DLGAP2: variants seen among roughly 807,000 people sequenced by gnomAD.
DLGAP2 encodes disks large-associated protein 2.
Under a neutral mutation model 100.3 loss-of-function variants are expected in DLGAP2, and 26 were observed. The observed-to-expected ratio is 0.26, with a 90% confidence interval of 0.19 to 0.36. The LOEUF (loss-of-function observed/expected upper bound fraction) is 0.36, where lower values mean the gene tolerates loss of function less well. DLGAP2 is among the 10% of genes least tolerant of loss of function. The pLI is 1.00. For missense variants in DLGAP2, 1,858 were observed against 1,453.2 expected, an observed-to-expected ratio of 1.28 and a Z score of -4.53; for synonymous variants, 886 against 630.1, an observed-to-expected ratio of 1.41 and a Z score of -6.08.
At chr8:1,454,306 T>G (rs1339105275) in intron 3 of DLGAP2, among the ~76,000 whole-genome samples, 1 of 151,942 alleles carries the variant, frequency 6.6e-6, no homozygotes, top group Non-Finnish European at 1.5e-5. Context: ...TGCTGAACAG[T>G]AGCATCCATG....
At chr8:825,422 T>C (rs921826416) in intron 1 of DLGAP2, among the ~76,000 whole-genome samples, 1 of 152,220 alleles carries the variant, frequency 6.6e-6, no homozygotes, top group African/African-American at 2.4e-5. Context: ...AGCTGGCCTC[T>C]GCCCGGAGGC....
intron 3 of DLGAP2, among the ~76,000 whole-genome samples, chr8:1,409,194 T>G (rs1796659180): frequency 6.7e-6 from 1 of 150,284 alleles, no homozygotes; most frequent in Admixed American, 6.6e-5. Flanking sequence ...TGGCTCCCCT[T>G]GGACCACTGC....
chr8:797,643 G>A (rs1796062890), intron 1 of DLGAP2, among the ~76,000 whole-genome samples: 1 of 152,226 alleles, frequency 6.6e-6, no homozygotes, highest in African/African-American at 2.4e-5. Flanking sequence ...AGCCCTCATT[G>A]ATGGCTGCAC....
chr8:1,053,556 C>T (rs891409053), intron 2 of DLGAP2, among the ~76,000 whole-genome samples: 7 of 152,060 alleles, frequency 4.6e-5, no homozygotes, highest in African/African-American at 7.2e-5. Flanking sequence ...AAGAGACAGA[C>T]GCGTGAGTGA....
intron 1 of DLGAP2, among the ~76,000 whole-genome samples, chr8:759,160 C>T (rs1454332030): frequency 2.6e-3 from 247 of 95,176 alleles, no homozygotes; most frequent in South Asian, 5.5e-3. Context: ...TCAATACCCC[C>T]CACAGCCTTC....
intron 12 of DLGAP2, among the ~76,000 whole-genome samples, chr8:1,689,316 GGGTCT>G (rs1163648986): frequency 6.6e-6 from 1 of 152,178 alleles, no homozygotes; most frequent in East Asian, 1.9e-4. Context: ...AGGCACAGGT[GGGTCT>G]GCAAGGCCCC....
chr8:1,651,455 C>T (rs1192578990), intron 8 of DLGAP2, among the ~76,000 whole-genome samples: 1 of 152,190 alleles, frequency 6.6e-6, no homozygotes, highest in Non-Finnish European at 1.5e-5. Flanking sequence ...CCCCCATCAC[C>T]AAGAGACTGG....
intron 12 of DLGAP2, among the ~76,000 whole-genome samples, chr8:1,690,749 A>G (rs1799239273): frequency 6.6e-6 from 1 of 151,448 alleles, no homozygotes; most frequent in East Asian, 2.0e-4. Flanking sequence ...GATTAACCAA[A>G]TAAAGTCATT....
intron 3 of DLGAP2, among the ~76,000 whole-genome samples, chr8:1,488,622 C>A (rs1044529469): frequency 6.6e-6 from 1 of 152,168 alleles, no homozygotes; most frequent in African/African-American, 2.4e-5. Context: ...CAGGAGAAAA[C>A]AGGGGTTTGG....
intron 2 of DLGAP2, among the ~76,000 whole-genome samples, chr8:1,195,601 C>T (rs1271778778): frequency 3.3e-5 from 5 of 152,166 alleles, no homozygotes; most frequent in African/African-American, 1.2e-4. Flanking sequence ...ACTCATAAAA[C>T]ATCTAATTCT....
rs192790866 is a variant in DLGAP2 at position 1,676,934 on chromosome 8, G to T, written c.2288+316G>T. ...CGGGCTGAGGGTGACGCCAATGCAG[G>T]CCTTACGCCTTGTCATGTTACACGT... On this transcript the variant is annotated intron_variant, in intron 11 of 14. Coordinates refer to ENST00000637795, the MANE Select transcript of DLGAP2 (RefSeq NM_001346810.2). Among the ~76,000 whole-genome samples the T allele has an allele frequency of 2.6e-5, 4 of 152,302 alleles. No homozygotes were observed. In the East Asian group the frequency reaches 7.7e-4, roughly 29 times the overall value.
chr8:1,070,990 C>T (rs747282925), intron 2 of DLGAP2, among the ~76,000 whole-genome samples: 21 of 152,296 alleles, frequency 1.4e-4, no homozygotes, highest in South Asian at 2.1e-4. Flanking sequence ...TCAGAAGGGG[C>T]ATTTTAGCAA....
intron 1 of DLGAP2, among the ~76,000 whole-genome samples, chr8:831,854 C>T (rs1017364092): frequency 1.3e-5 from 2 of 152,046 alleles, no homozygotes; most frequent in Non-Finnish European, 2.9e-5. Flanking sequence ...GTTCCTATTT[C>T]TCCACAGCCT....
chr8:1,565,530 G>C (rs1802361562), intron 5 of DLGAP2, 153 bp from the exon 6 acceptor site: 1 of 618,588 alleles, frequency 1.6e-6, no homozygotes, highest in East Asian at 2.9e-5. Flanking sequence ...TTCCTTTTAG[G>C]ATATGCATTT....
chr8:986,129 A>G (rs1800480495), intron 2 of DLGAP2, among the ~76,000 whole-genome samples: 1 of 151,992 alleles, frequency 6.6e-6, no homozygotes, highest in South Asian at 2.1e-4. Context: ...AAGTTTCTGG[A>G]AGCTCTTCAT....
rs192810571 is a variant in DLGAP2 at position 1,146,308 on chromosome 8, C to T, written c.74-112543C>T. On this transcript the variant is annotated intron_variant, in intron 2 of 14. Transcript: ENST00000637795. ...TGTTAAGAAGGGCTGAATGGAGTCC[C>T]GTGCTCATTTTCCTAGTGTGCTGTC... Among the ~76,000 whole-genome samples the T allele has an allele frequency of 2.0e-3, 301 of 152,340 alleles. 3 individuals carry two copies. In the South Asian group the frequency reaches 0.022, roughly 11 times the overall value.
intron 6 of DLGAP2, among the ~76,000 whole-genome samples, chr8:1,580,588 C>G (rs1209945239): frequency 2.0e-5 from 3 of 152,134 alleles, no homozygotes; most frequent in African/African-American, 7.2e-5. Context: ...CAGGGAGTTT[C>G]TAACATTAGA....
intron 1 of DLGAP2, chr8:821,968 C>T (rs149900880): frequency 4.8e-5 from 19 of 394,996 alleles, no homozygotes; most frequent in South Asian, 2.9e-4. Flanking sequence ...CCATATTGCT[C>T]TTTTCAGCTG....
intron 6 of DLGAP2, among the ~76,000 whole-genome samples, chr8:1,573,864 CAGA>C (rs1354435489): frequency 6.6e-6 from 1 of 152,174 alleles, no homozygotes; most frequent in Non-Finnish European, 1.5e-5. Flanking sequence ...TGGGCCTTTA[CAGA>C]AGGTGTGAGC....
Sources: allele counts gnomAD v4.1 joint callset (sites outside exome capture counted in the v4.1 genomes callset), GRCh38; gene constraint gnomAD v4.1.1; transcripts MANE v1.5; gene names NCBI Gene and HGNC (gene_info 2026-07-23, HGNC 2026-07-21).